C8orf74: variants seen among roughly 807,000 people sequenced by gnomAD.
The protein encoded by C8orf74 is chromosome 8 open reading frame 74, also known as uncharacterized protein C8orf74.
A neutral mutation model predicts 22.2 loss-of-function variants in C8orf74; 29 were observed. The observed-to-expected ratio is 1.31, with a 90% CI of 0.97 to 1.78. The LOEUF (loss-of-function observed/expected upper bound fraction) is 1.78. Ranked by LOEUF, C8orf74 falls within the 40% of genes most tolerant of loss-of-function variation. The pLI is 0.00. For missense variants in C8orf74, 515 were observed against 369.9 expected (o/e 1.39, Z -3.22); for synonymous variants, 255 against 163.1 (o/e 1.56, Z -4.30).
At chr8:10,685,000 T>G (rs934705063) in intron 2 of C8orf74, among the ~76,000 whole-genome samples, 5 of 152,192 alleles carry the variant, frequency 3.3e-5, no homozygotes, top group Non-Finnish European at 7.3e-5. Context: ...GAAGGAGTGA[T>G]CCACTCCCCA....
intron 2 of C8orf74, among the ~76,000 whole-genome samples, chr8:10,680,385 G>A (rs1403051994): frequency 1.3e-5 from 2 of 152,198 alleles, no homozygotes; most frequent in Non-Finnish European, 2.9e-5. Context: ...CTCACAGCAG[G>A]ATGACCAGCA....
At chr8:10,690,865 C>G in intron 2 of C8orf74, 1 of 456,242 alleles carries the variant, frequency 2.2e-6, no homozygotes, top group Non-Finnish European at 4.4e-6. Context: ...TGCATATCCT[C>G]GCAGGTGCTG....
chr8:10,677,641 C>G (rs1799061076), intron 2 of C8orf74, among the ~76,000 whole-genome samples: 1 of 152,088 alleles, frequency 6.6e-6, no homozygotes, highest in Non-Finnish European at 1.5e-5. Flanking sequence ...CCTAACTAAC[C>G]TCTGCCCCCT....
At chr8:10,691,308 G>A (rs865819581) in intron 2 of C8orf74, 61 of 227,332 alleles carry the variant, frequency 2.7e-4, no homozygotes, top group African/African-American at 1.2e-3. Flanking sequence ...AGGCACGGCT[G>A]CTGAGCACAT....
chr8:10,676,304 C>G (rs1344540499), intron 2 of C8orf74, among the ~76,000 whole-genome samples: 1 of 152,128 alleles, frequency 6.6e-6, no homozygotes, highest in African/African-American at 2.4e-5. Flanking sequence ...AAGGCGCCAT[C>G]CTTAAGGCAC....
chr8:10,697,873 G>A lies in C8orf74; in HGVS notation c.516G>A (p.Thr172=), dbSNP rs769738034. 1.9e-5 allele frequency: 30 copies of A among 1,612,900 alleles called. 1 individual carries two copies. Among genetic ancestry groups the A allele is most frequent in the Non-Finnish European group, 2.3e-5 (27 of 1,179,486 alleles). ...WIHEQQVATL[T]EAEAQKRADV... ...ACGAGCAGCAGGTGGCCACACTGAC[G>A]GAGGCCGAGGCACAGAAGCGCGCCG... The change falls in exon 3 of 4, where the codon ACG becomes ACA. Residue 172 remains threonine, a synonymous_variant. Transcript: ENST00000304519.
At position 10,674,944 on chromosome 8, in the gene C8orf74, G is replaced by A. The variant is rs989703982; in HGVS notation, c.241+106G>A. On this transcript the variant is annotated intron_variant, in intron 2 of 3. Transcript: ENST00000304519. ...CCCCAGCAGCCTTGGAGGAGCCAGG[G>A]CCCCTTCCTGCCCTTCCCTGGCATT... 2.2e-5 allele frequency: 19 copies of A among 875,516 alleles called. 1 individual carries two copies. In the Admixed American group the frequency reaches 4.4e-4, roughly 20 times the overall value. The allele number at this position is 875,516 out of a possible 1,614,324, so 54.2% of individuals were successfully genotyped here.
intron 2 of C8orf74, among the ~76,000 whole-genome samples, chr8:10,679,538 C>T (rs1799103995): frequency 6.6e-6 from 1 of 152,216 alleles, no homozygotes; most frequent in South Asian, 2.1e-4. Context: ...CGTTATCTAT[C>T]CTCCATTCTC....
At chr8:10,694,378 G>C (rs550510330) in intron 2 of C8orf74, among the ~76,000 whole-genome samples, 1 of 152,168 alleles carries the variant, frequency 6.6e-6, no homozygotes, top group Non-Finnish European at 1.5e-5. Flanking sequence ...AATTTAGAAG[G>C]TTATTTTGCC....
chr8:10,672,924 T>G (rs1798947860), intron 1 of C8orf74, among the ~76,000 whole-genome samples: 1 of 152,136 alleles, frequency 6.6e-6, no homozygotes, highest in South Asian at 2.1e-4. Flanking sequence ...TCAAGCCACA[T>G]GCAGGCCCAG....
chr8:10,696,637 G>A (rs59825132), intron 2 of C8orf74, among the ~76,000 whole-genome samples: 5,342 of 151,674 alleles, frequency 0.035, 294 homozygotes, highest in African/African-American at 0.12. Context: ...TAGTAGAGAC[G>A]GGGTTTTGCC....
chr8:10,679,704 A>T (rs1253325628), intron 2 of C8orf74, among the ~76,000 whole-genome samples: 1 of 151,728 alleles, frequency 6.6e-6, no homozygotes, highest in Non-Finnish European at 1.5e-5. Context: ...GCTGCCTCCC[A>T]CCTGCGTTTC....
At chr8:10,680,276 C>T (rs1051568899) in intron 2 of C8orf74, among the ~76,000 whole-genome samples, 1 of 152,190 alleles carries the variant, frequency 6.6e-6, no homozygotes, top group Non-Finnish European at 1.5e-5. Context: ...GCCTTGAGAA[C>T]GATAGTTTCC....
At chr8:10,687,102 G>A (rs1244118939) in intron 2 of C8orf74, 2 of 456,176 alleles carry the variant, frequency 4.4e-6, no homozygotes, top group Non-Finnish European at 8.8e-6. Flanking sequence ...AGCCCACACA[G>A]CCCACCAGCT....
chr8:10,699,622 T>A (rs571704411), intron 3 of C8orf74, among the ~76,000 whole-genome samples: 1 of 152,324 alleles, frequency 6.6e-6, no homozygotes, highest in Admixed American at 6.5e-5. Context: ...CAACAGGGTT[T>A]CCTGTTTAAC....
At chr8:10,683,921 C>T (rs1799207741) in intron 2 of C8orf74, among the ~76,000 whole-genome samples, 1 of 152,206 alleles carries the variant, frequency 6.6e-6, no homozygotes. Flanking sequence ...TTTGAGCCTT[C>T]CACCGGCTGG....
Position 10,700,367 on chromosome 8 carries a change from G to GCCCCCCCCCCCAAGCCCCCCC in C8orf74, c.786_787insCCCCCCAAGCCCCCCCCCCCC (p.Pro262_Thr263insProProLysProProProPro). On this transcript the variant is annotated inframe_insertion, in exon 4 of 4. Coordinates refer to ENST00000304519, the MANE Select transcript of C8orf74 (RefSeq NM_001040032.2). ...TCAGAAGAAGACTCTGAACCTCAAC[G>GCCCCCCCCCCCAAGCCCCCCC]CCCCCACCCCTATCCCGCCCCCCAT... The GCCCCCCCCCCCAAGCCCCCCC allele has an allele frequency of 6.3e-7, 1 of 1,590,936 alleles. No homozygotes were observed. Among genetic ancestry groups the GCCCCCCCCCCCAAGCCCCCCC allele is most frequent in the Non-Finnish European group, 8.6e-7 (1 of 1,159,764 alleles).
chr8:10,689,226 T>C (rs1799324156), intron 2 of C8orf74: 2 of 152,210 alleles, frequency 1.3e-5, no homozygotes, highest in African/African-American at 4.8e-5. Context: ...GAAGCTCAGG[T>C]CCTGACTTTG....
At chr8:10,678,539 A>T (rs1799080596) in intron 2 of C8orf74, among the ~76,000 whole-genome samples, 1 of 151,198 alleles carries the variant, frequency 6.6e-6, no homozygotes, top group South Asian at 2.1e-4. Flanking sequence ...TGCCCCAGTG[A>T]CCCTGCACTG....
Sources: allele counts gnomAD v4.1 joint callset (sites outside exome capture counted in the v4.1 genomes callset), GRCh38; gene constraint gnomAD v4.1.1; transcripts MANE v1.5; gene names NCBI Gene and HGNC (gene_info 2026-07-23, HGNC 2026-07-21).